Variants in ZNF287 observed in about 807,000 individuals in gnomAD.
ZNF287 encodes the protein zinc finger protein with KRAB and SCAN domains 13.
ZNF287 carries 31 observed loss-of-function variants against 73.7 expected under a neutral mutation model. The ratio of observed to expected loss-of-function variants is 0.42; its 90% CI spans 0.32 to 0.57. The LOEUF (loss-of-function observed/expected upper bound fraction) is 0.57. Among genes scored for constraint, ZNF287 ranks in the 20% least tolerant of loss-of-function variants. The pLI, the probability that ZNF287 is intolerant of heterozygous loss-of-function variation, is 0.13. For missense variants in ZNF287, 641 were observed against 909.3 expected, an observed-to-expected ratio of 0.70 and a Z score of 3.79; for synonymous variants, 301 against 307.2, an observed-to-expected ratio of 0.98 and a Z score of 0.21.
Position 16,549,574 on chromosome 17 carries a change from T to A in ZNF287, c.*2282A>T, listed in dbSNP as rs188746342. On this transcript the variant is annotated 3_prime_UTR_variant, in exon 6 of 6. Coordinates refer to ENST00000395825, the MANE Select transcript of ZNF287 (RefSeq NM_020653.4). ...CAGGATGATACTATGAAATCAAGGT[T>A]AACTAATGTAAGGGAAATGGAAATC... is the stretch of plus-strand genomic sequence containing the variant. Among the ~76,000 whole-genome samples, 1 of 152,324 alleles carries A rather than the reference T, an allele frequency of 6.6e-6. No individual in the cohort carries two copies. Among genetic ancestry groups the A allele is most frequent in the African/African-American group, 2.4e-5 (1 of 41,560 alleles).
At chr17:16,564,544 T>C (rs920317921) in intron 3 of ZNF287, among the ~76,000 whole-genome samples, 12 of 152,190 alleles carry the variant, frequency 7.9e-5, no homozygotes, top group Non-Finnish European at 4.4e-5. Flanking sequence ...TTGAATGGTT[T>C]TGCTTTTCAA....
Position 16,550,614 on chromosome 17 carries a change from T to G in ZNF287, c.*1242A>C, listed in dbSNP as rs1342838664. 4.6e-5 allele frequency among the ~76,000 whole-genome samples: 7 copies of G among 152,196 alleles called. No individual in the cohort carries two copies. The highest frequency in any genetic ancestry group is 5.9e-5 in the Non-Finnish European group (4 of 68,024). On this transcript the variant is annotated 3_prime_UTR_variant, in exon 6 of 6. Transcript: ENST00000395825. ...CTTATGCTCAACCCATGACAAAATA[T>G]CACATCCTCACTTTCTCATCACTCT...
Position 16,551,967 on chromosome 17 carries a change from A to C in ZNF287, c.2175T>G (p.Ile725Met), listed in dbSNP as rs770405670. ...ATGCATAGGGTTTCTCTCCTGTGTG[A>C]ATTCTCTGGTGTTGAATAAGGCATG... ...QRTCLIQHQR[I>M]HTGEKPYACR... The change falls in exon 6 of 6, where the codon ATT (isoleucine) becomes ATG (methionine). Residue 725 changes from isoleucine (I) to methionine (M), a missense_variant. Transcript: ENST00000395825. 2 of 1,614,070 alleles carry C rather than the reference A, an allele frequency of 1.2e-6. No individual in the cohort carries two copies. The highest frequency in any genetic ancestry group is 2.2e-5 in the South Asian group (2 of 91,080).
At chr17:16,564,029 A>G (rs892756145) in intron 3 of ZNF287, among the ~76,000 whole-genome samples, 2 of 152,176 alleles carry the variant, frequency 1.3e-5, no homozygotes, top group African/African-American at 4.8e-5. Flanking sequence ...GTTTGAAAAT[A>G]GATCAGAATT....
chr17:16,555,900 G>A (rs1404871720), intron 5 of ZNF287, among the ~76,000 whole-genome samples: 2 of 152,098 alleles, frequency 1.3e-5, no homozygotes, highest in African/African-American at 4.8e-5. Context: ...AACTTTCTAA[G>A]AGGCAGATCA....
At chr17:16,558,838 G>C (rs1034939002) in intron 5 of ZNF287, 1 of 152,076 alleles carries the variant, frequency 6.6e-6, no homozygotes, top group African/African-American at 2.4e-5. Flanking sequence ...TTATCTGGGC[G>C]TGGTGGCACA....
intron 4 of ZNF287, among the ~76,000 whole-genome samples, chr17:16,563,460 T>C (rs962981719): frequency 5.9e-5 from 9 of 152,110 alleles, no homozygotes; most frequent in Admixed American, 2.0e-4. Flanking sequence ...TCCCTTAGAG[T>C]AGCAAAGGCT....
chr17:16,563,341 T>C (rs1200298388), intron 4 of ZNF287, 109 bp from the exon 5 acceptor site: 1 of 731,368 alleles, frequency 1.4e-6, no homozygotes. Context: ...AGGAAAACAA[T>C]AGTTCATGGA....
rs1906672490 is a variant in ZNF287, at chr17:16,551,729, T to C, written c.*127A>G. The C allele has an allele frequency of 2.0e-6, 2 of 1,003,046 alleles. No homozygotes were observed. The highest frequency in any genetic ancestry group is 1.6e-5 in the African/African-American group (1 of 62,018). 62.1% of individuals were successfully genotyped at this position (1,003,046 alleles called of 1,614,324 possible). On this transcript the variant is annotated 3_prime_UTR_variant, in exon 6 of 6. Coordinates refer to ENST00000395825, the MANE Select transcript of ZNF287 (RefSeq NM_020653.4). ...TAGGTTATATCCATACCACTACTTC[T>C]GATACTTCTGCTGAGTATCTAACAT...
In ZNF287 at chr17:16,551,788, G is replaced by C; in HGVS notation, c.*68C>G. The C allele has an allele frequency of 6.7e-7, 1 of 1,503,216 alleles. No homozygotes were observed. Among genetic ancestry groups the C allele is most frequent in the Non-Finnish European group, 8.9e-7 (1 of 1,119,252 alleles). The allele number at this position is 1,503,216 out of a possible 1,614,324, so 93.1% of individuals were successfully genotyped here. A position where few individuals can be genotyped will look rare whatever the true frequency, so the allele number is the denominator to read the frequency against. On this transcript the variant is annotated 3_prime_UTR_variant, in exon 6 of 6. Transcript: ENST00000395825. ...TCTTCAGACTTCTTCTGAATGTTCT[G>C]ACACATAGAATGCACAAAACAAAAT...
At chr17:16,560,247 C>G (rs1040319883) in intron 5 of ZNF287, among the ~76,000 whole-genome samples, 2 of 150,924 alleles carry the variant, frequency 1.3e-5, no homozygotes, top group Non-Finnish European at 2.9e-5. Flanking sequence ...CAGGAGTAAG[C>G]CACCATGCCT....
At chr17:16,564,591 A>G (rs996901650) in intron 3 of ZNF287, among the ~76,000 whole-genome samples, 2 of 152,226 alleles carry the variant, frequency 1.3e-5, no homozygotes, top group Non-Finnish European at 2.9e-5. Flanking sequence ...TGTTATAATT[A>G]AAATGTTAAG....
intron 5 of ZNF287, among the ~76,000 whole-genome samples, chr17:16,560,045 C>T (rs994253360): frequency 4.2e-4 from 64 of 151,310 alleles, no homozygotes; most frequent in African/African-American, 1.3e-3. Flanking sequence ...CTCCACCTCC[C>T]GAGTTCAAGC....
chr17:16,554,202 CTTTT>C (rs565329005), intron 5 of ZNF287, among the ~76,000 whole-genome samples: 2 of 139,394 alleles, frequency 1.4e-5, no homozygotes, highest in South Asian at 2.3e-4. Flanking sequence ...TTATCCACTA[CTTTT>C]TTTTTTTTTT....
At chr17:16,566,650 A>C (rs749981837) in intron 2 of ZNF287, 28 bp from the exon 3 acceptor site, 2 of 1,552,906 alleles carry the variant, frequency 1.3e-6, no homozygotes, top group Non-Finnish European at 1.8e-6. Context: ...GTCATGAGGG[A>C]GATTAGTCCT....
At chr17:16,553,528 C>G in intron 5 of ZNF287, 102 bp from the exon 6 acceptor site, 1 of 964,546 alleles carries the variant, frequency 1.0e-6, no homozygotes. Flanking sequence ...CCAAAGACAA[C>G]AGCTCTGAAA....
rs766760904 is a variant in ZNF287, at chr17:16,552,476, T to A, written c.1666A>T (p.Arg556Ter). The change falls in exon 6 of 6, where the codon AGA becomes TGA. Residue 556 changes from arginine to a stop codon, truncating the protein, a stop_gained. Transcript: ENST00000395825. LOFTEE classifies it high-confidence loss of function. The surrounding 1 kb of genome is among the most constrained non-coding windows in gnomAD (Gnocchi z 6.5). ...TAACACTTCTCTCCAGAATGAATTC[T>A]CTGATGTCGAATAAGGTAAGTACTC... Reference protein sequence around the residue: ...SQSTYLIRHQRIHSGEKCYKC... With the variant: ...SQSTYLIRHQ The A allele has an allele frequency of 6.2e-7, 1 of 1,614,182 alleles. No individual in the cohort carries two copies. The highest frequency in any genetic ancestry group is 8.5e-7 in the Non-Finnish European group (1 of 1,180,008).
At position 16,551,451 on chromosome 17, in the gene ZNF287, G is replaced by A. The variant is rs562102574; in HGVS notation, c.*405C>T. 83 of 176,470 alleles carry A rather than the reference G, an allele frequency of 4.7e-4. No individual in the cohort carries two copies. The highest frequency in any genetic ancestry group is 2.7e-3 in the Middle Eastern group (1 of 374). 10.9% of individuals were successfully genotyped at this position (176,470 alleles called of 1,614,324 possible). A position where few individuals can be genotyped will look rare whatever the true frequency, so the allele number is the denominator to read the frequency against. ...TCAGGGATGGGAAACCTGCATAGAT[G>A]TAGGGCTTTTCATATACACAGGTTC... On this transcript the variant is annotated 3_prime_UTR_variant, in exon 6 of 6. Transcript: ENST00000395825.
In ZNF287 at chr17:16,556,165, G is replaced by GACAC. The variant is rs137989045; in HGVS notation, c.716-2743_716-2740dup. ...GCTATTTGTGTTACAGACAGACACAGACACACACACACACACACACACACA... is the reference window on the plus strand; with the variant it reads ...GCTATTTGTGTTACAGACAGACACAGACACACACACACACACACACACACACACA... On this transcript the variant is annotated intron_variant, in intron 5 of 5. Coordinates refer to ENST00000395825, the MANE Select transcript of ZNF287 (RefSeq NM_020653.4). Among the ~76,000 whole-genome samples, 339 of 144,310 alleles carry GACAC rather than the reference G, an allele frequency of 2.3e-3. 1 individual carries two copies. The highest frequency in any genetic ancestry group is 0.016 in the East Asian group (76 of 4,866). The allele number at this position is 144,310 out of a possible 152,430, so 94.7% of individuals were successfully genotyped here.
Sources: gnomAD v4.1 joint callset for allele counts (sites outside exome capture counted in the v4.1 genomes callset) on GRCh38, gnomAD v4.1.1 for gene constraint, Gnocchi (gnomAD v3.1) non-coding constraint, MANE v1.5 for transcripts, NCBI Gene and HGNC (gene_info 2026-07-23, HGNC 2026-07-21) for gene names.